MYO16: variants seen among roughly 807,000 people sequenced by gnomAD.
MYO16 encodes myosin XVI.
In MYO16, 94 loss-of-function variants were observed where a neutral mutation model predicts 205.3. The observed-to-expected ratio is 0.46, with a 90% CI of 0.39 to 0.54. The LOEUF is 0.54. MYO16 is among the 20% of genes least tolerant of loss of function. MYO16 has a pLI of 0.00. For synonymous variants in MYO16, 988 were observed against 954.0 expected, an observed-to-expected ratio of 1.04 and a Z score of -0.66; for missense variants, 2,315 against 2,387.5, an observed-to-expected ratio of 0.97 and a Z score of 0.63.
chr13:109,032,771 G>A (rs769598911), intron 23 of MYO16, among the ~76,000 whole-genome samples: 48 of 152,024 alleles, frequency 3.2e-4, no homozygotes, highest in Non-Finnish European at 6.8e-4. Context: ...CTAACCTGAG[G>A]GTAGCTTTGT....
chr13:108,968,251 GA>G (rs1473544529), intron 20 of MYO16, among the ~76,000 whole-genome samples: 2 of 152,100 alleles, frequency 1.3e-5, no homozygotes, highest in African/African-American at 4.8e-5. Context: ...GTCTTTCGAT[GA>G]GGGGGGGATT....
intron 16 of MYO16, among the ~76,000 whole-genome samples, chr13:108,937,005 A>G (rs562247730): frequency 7.2e-5 from 11 of 152,320 alleles, no homozygotes; most frequent in South Asian, 4.1e-4. Flanking sequence ...CTGCATGTTT[A>G]GAACTCCCTT....
At chr13:108,956,692 T>G (rs992229432) in intron 16 of MYO16, among the ~76,000 whole-genome samples, 1 of 152,190 alleles carries the variant, frequency 6.6e-6, no homozygotes, top group Non-Finnish European at 1.5e-5. Flanking sequence ...AGGGATAACC[T>G]GAAAGCCTGG....
rs569341396 is a variant in MYO16 at position 109,060,564 on chromosome 13, A to G, written c.3335+4969A>G. Among the ~76,000 whole-genome samples, 15 of 152,252 alleles carry G rather than the reference A, an allele frequency of 9.9e-5. No homozygotes were observed. The South Asian group carries it at 2.7e-3, about 27-fold the overall frequency. ...GGCTTAAAACCTAGATGACGGGTTG[A>G]TAGGTGCAGCAAACCACCATGACAC... On this transcript the variant is annotated intron_variant, in intron 27 of 34. Transcript: ENST00000457511.
chr13:109,198,693 T>A (rs1463317668), intron 34 of MYO16, among the ~76,000 whole-genome samples: 1 of 152,226 alleles, frequency 6.6e-6, no homozygotes, highest in Non-Finnish European at 1.5e-5. Flanking sequence ...ATGGTACAAC[T>A]GTAACAGCTC....
At chr13:108,496,399 G>A in the MYO16 span, among the ~76,000 whole-genome samples, 4 of 152,202 alleles carry the variant, frequency 2.6e-5, no homozygotes, top group Admixed American at 2.0e-4. Context: ...ATGGAAAAGA[G>A]AGCAGAACAA....
chr13:108,731,675 A>T (rs1322791766), intron 4 of MYO16, among the ~76,000 whole-genome samples: 1 of 152,234 alleles, frequency 6.6e-6, no homozygotes, highest in Non-Finnish European at 1.5e-5. Context: ...AAAGTAATAT[A>T]TCTATTAGTT....
intron 4 of MYO16, among the ~76,000 whole-genome samples, chr13:108,740,553 G>C (rs1056902829): frequency 6.6e-6 from 1 of 152,156 alleles, no homozygotes; most frequent in Non-Finnish European, 1.5e-5. Flanking sequence ...CTACTGAGGG[G>C]TTCCTCCCAG....
intron 7 of MYO16, among the ~76,000 whole-genome samples, chr13:108,819,164 T>C (rs1875812120): frequency 6.6e-6 from 1 of 152,182 alleles, no homozygotes; most frequent in African/African-American, 2.4e-5. Flanking sequence ...TAAATGAGAA[T>C]ACTTATGGGA....
At chr13:108,972,355 T>TAGCC (rs1884074617) in intron 20 of MYO16, among the ~76,000 whole-genome samples, 3 of 17,712 alleles carry the variant, frequency 1.7e-4, no homozygotes, top group African/African-American at 1.2e-3. Context: ...TATAGCCATA[T>TAGCC]ATATATATAT....
intron 20 of MYO16, among the ~76,000 whole-genome samples, chr13:108,992,014 A>G (rs1024946402): frequency 3.3e-5 from 5 of 152,190 alleles, no homozygotes; most frequent in Non-Finnish European, 5.9e-5. Flanking sequence ...TGTACAGATT[A>G]TTAAAAGACA....
chr13:109,123,510 C>T (rs1404999557), intron 29 of MYO16, among the ~76,000 whole-genome samples: 3 of 152,168 alleles, frequency 2.0e-5, no homozygotes, highest in South Asian at 2.1e-4. Flanking sequence ...GCCTTTTTCG[C>T]GCTCAAGGTG....
Position 109,052,329 on chromosome 13 carries a change from T to C in MYO16, c.2902T>C (p.Phe968Leu). The C allele has an allele frequency of 1.9e-6, 3 of 1,613,246 alleles. No homozygotes were observed. Among genetic ancestry groups the C allele is most frequent in the Non-Finnish European group, 2.5e-6 (3 of 1,179,424 alleles). The change falls in exon 25 of 35, where the codon TTC (phenylalanine) becomes CTC (leucine). Residue 968 changes from phenylalanine (F) to leucine (L), a missense_variant. Coordinates refer to ENST00000457511, the MANE Select transcript of MYO16 (RefSeq NM_001198950.3). ...TSENVVINHLFQSKLSQTGSL... is the reference protein window; with the variant it reads ...TSENVVINHLLQSKLSQTGSL... ...TGAAAATGTCGTGATCAATCATTTG[T>C]TCCAGTCGAAATTGTCACAAACAGG...
intron 4 of MYO16, among the ~76,000 whole-genome samples, chr13:108,751,957 T>C (rs1461048761): frequency 6.6e-6 from 1 of 152,156 alleles, no homozygotes; most frequent in Non-Finnish European, 1.5e-5. Flanking sequence ...CTGGGACAGA[T>C]ATAAGATGTA....
intron 28 of MYO16, among the ~76,000 whole-genome samples, chr13:109,111,618 G>A (rs1889287645): frequency 6.6e-6 from 1 of 152,088 alleles, no homozygotes; most frequent in South Asian, 2.1e-4. Flanking sequence ...CAGAAAAGAA[G>A]CTAGCATTCA....
At chr13:108,734,143 C>T (rs191434530) in intron 4 of MYO16, among the ~76,000 whole-genome samples, 49 of 151,902 alleles carry the variant, frequency 3.2e-4, no homozygotes, top group African/African-American at 1.1e-3. Flanking sequence ...ATCAGCATAT[C>T]ACCAAATTTT....
chr13:108,927,287 T>C lies in MYO16; in HGVS notation c.1925+17137T>C, dbSNP rs183222644. 2.6e-3 allele frequency among the ~76,000 whole-genome samples: 401 copies of C among 152,342 alleles called. 2 individuals carry two copies. The highest frequency in any genetic ancestry group is 2.9e-3 in the Non-Finnish European group (196 of 68,032). On this transcript the variant is annotated intron_variant, in intron 16 of 34. Coordinates refer to ENST00000457511, the MANE Select transcript of MYO16 (RefSeq NM_001198950.3). ...TCGGCATTTAGAATCTTTTCTCCTA[T>C]TTGCCTTCCTCCACCCAACAACAAG...
chr13:108,558,682 G>A, the MYO16 span, among the ~76,000 whole-genome samples: 1 of 152,154 alleles, frequency 6.6e-6, no homozygotes, highest in South Asian at 2.1e-4. Flanking sequence ...TGGCAGAGCT[G>A]TCTGCCCTTG....
At chr13:108,676,398 TGTGTG>T (rs1882210677) in intron 2 of MYO16, among the ~76,000 whole-genome samples, 3 of 147,574 alleles carry the variant, frequency 2.0e-5, no homozygotes, top group Admixed American at 7.1e-5. Context: ...TGTGTGTGTG[TGTGTG>T]TGTGCCAGCC....
Sources: gnomAD v4.1 joint callset for allele counts (sites outside exome capture counted in the v4.1 genomes callset) on GRCh38, gnomAD v4.1.1 for gene constraint, MANE v1.5 for transcripts, NCBI Gene and HGNC (gene_info 2026-07-23, HGNC 2026-07-21) for gene names.